The following LINGO2 variants were observed in gnomAD, a reference collection of about 807,000 sequenced individuals.
LINGO2 encodes the protein leucine rich repeat and Ig domain containing 2, also known as leucine-rich repeat and immunoglobulin-like domain-containing nogo receptor-interacting protein 2.
A neutral mutation model predicts 30.6 loss-of-function variants in LINGO2; 14 were observed. That is an observed-to-expected ratio of 0.46 (90% CI 0.30 to 0.72). The LOEUF is 0.72. LINGO2 is among the 30% of genes least tolerant of loss of function. The probability of loss-of-function intolerance (pLI) is 0.07; values close to 1 mark genes in which losing one functional copy is unlikely to be tolerated. For synonymous variants in LINGO2, 317 were observed against 288.5 expected (o/e 1.10, Z -1.00); for missense variants, 729 against 751.7 (o/e 0.97, Z 0.35).
At position 27,999,033 on chromosome 9, in the gene LINGO2, G is replaced by C. The variant is rs142342349; in HGVS notation, c.-36+13322C>G. On this transcript the variant is annotated intron_variant, in intron 5 of 5. Coordinates refer to ENST00000379992, the Ensembl canonical transcript of LINGO2. ...ATCTGGTTAAAATCTTGGCACAGTA[G>C]AGAATTTATGTGCACCTAGGAGTGA... Among the ~76,000 whole-genome samples the C allele has an allele frequency of 1.7e-3, 257 of 152,206 alleles. 2 individuals are homozygous for C. Among genetic ancestry groups the C allele is most frequent in the Middle Eastern group, 6.8e-3 (2 of 294 alleles).
the LINGO2 span, among the ~76,000 whole-genome samples, chr9:28,999,358 G>A: frequency 2.6e-5 from 4 of 152,064 alleles, no homozygotes; most frequent in African/African-American, 4.8e-5. Context: ...TGTGAAGAGA[G>A]TCAAAAGAGA....
At chr9:28,767,038 T>G in the LINGO2 span, among the ~76,000 whole-genome samples, 2 of 151,130 alleles carry the variant, frequency 1.3e-5, no homozygotes, top group African/African-American at 4.9e-5. Context: ...TTAAGAAAAG[T>G]TGAATACATA....
At chr9:28,616,405 T>C (rs1181228073) in intron 1 of LINGO2, among the ~76,000 whole-genome samples, 1 of 152,126 alleles carries the variant, frequency 6.6e-6, no homozygotes, top group Non-Finnish European at 1.5e-5. Flanking sequence ...CTGACCCACA[T>C]CAGCTGCTTT....
the LINGO2 span, among the ~76,000 whole-genome samples, chr9:29,033,378 C>CTATATATATATATATATATATATA: frequency 1.8e-3 from 257 of 140,620 alleles, no homozygotes; most frequent in East Asian, 6.8e-3. Flanking sequence ...AACTGCTTTA[C>CTATATATATATATATATATATATA]TATATATATA....
chr9:29,205,436 G>A, the LINGO2 span, among the ~76,000 whole-genome samples: 1 of 152,142 alleles, frequency 6.6e-6, no homozygotes, highest in South Asian at 2.1e-4. Flanking sequence ...ACTTGTTCAT[G>A]ATGTATTATC....
the LINGO2 span, among the ~76,000 whole-genome samples, chr9:28,686,439 A>G: frequency 3.9e-5 from 6 of 152,194 alleles, no homozygotes; most frequent in South Asian, 1.2e-3. Flanking sequence ...CTAGCTCAAA[A>G]TTAGCCAGAA....
chr9:28,797,564 G>A, the LINGO2 span, among the ~76,000 whole-genome samples: 1 of 151,822 alleles, frequency 6.6e-6, no homozygotes, highest in Non-Finnish European at 1.5e-5. Context: ...ATTTTGATCT[G>A]AGCATCTAAA....
chr9:28,051,064 C>T (rs1279809383), intron 4 of LINGO2, among the ~76,000 whole-genome samples: 1 of 150,808 alleles, frequency 6.6e-6, no homozygotes, highest in Non-Finnish European at 1.5e-5. Flanking sequence ...TTAGCTAACT[C>T]CTTTCTCCAA....
At chr9:28,846,761 A>G in the LINGO2 span, among the ~76,000 whole-genome samples, 1 of 147,868 alleles carries the variant, frequency 6.8e-6, no homozygotes, top group African/African-American at 2.6e-5. Flanking sequence ...CTATACTATC[A>G]ATGTGAAGTG....
the LINGO2 span, among the ~76,000 whole-genome samples, chr9:28,885,272 A>C: frequency 6.8e-6 from 1 of 147,706 alleles, no homozygotes; most frequent in Non-Finnish European, 1.5e-5. Flanking sequence ...GCAGTGTGGA[A>C]GTGGTGGCGA....
chr9:28,252,263 G>A (rs1050725817), intron 4 of LINGO2, among the ~76,000 whole-genome samples: 1 of 152,042 alleles, frequency 6.6e-6, no homozygotes, highest in African/African-American at 2.4e-5. Context: ...CTCTCACTCT[G>A]TTTCTAGGCT....
chr9:28,351,025 T>C lies in LINGO2; in HGVS notation c.-246+21811A>G, dbSNP rs1819854712. On this transcript the variant is annotated intron_variant, in intron 3 of 5. Transcript: ENST00000379992. Reference sequence around the variant, plus strand: ...GTGTGTAGAGGGAAAGTTATAGCACTAAATGCCCACAAGAGAAAGCAGGAA... The same window carrying C: ...GTGTGTAGAGGGAAAGTTATAGCACCAAATGCCCACAAGAGAAAGCAGGAA... Among the ~76,000 whole-genome samples the C allele has an allele frequency of 2.0e-5, 3 of 152,056 alleles. No homozygotes were observed. The South Asian group carries it at 6.2e-4, about 32-fold the overall frequency.
At chr9:29,204,262 A>G in the LINGO2 span, among the ~76,000 whole-genome samples, 1 of 152,232 alleles carries the variant, frequency 6.6e-6, no homozygotes, top group South Asian at 2.1e-4. Flanking sequence ...AATGCTCACT[A>G]GGAACCAGAC....
At chr9:27,943,689 T>A (rs1027349144), downstream of LINGO2, 2 of 151,930 alleles carry the variant, frequency 1.3e-5, no homozygotes, top group East Asian at 2.0e-4. Context: ...AGAAGACTTA[T>A]CCCTGGAGAG....
chr9:28,692,041 T>C, the LINGO2 span, among the ~76,000 whole-genome samples: 1 of 152,172 alleles, frequency 6.6e-6, no homozygotes, highest in Non-Finnish European at 1.5e-5. Flanking sequence ...ACTCTGTCAC[T>C]GGTTTGATTC....
At chr9:28,170,424 A>G (rs1405740175) in intron 4 of LINGO2, among the ~76,000 whole-genome samples, 1 of 152,188 alleles carries the variant, frequency 6.6e-6, no homozygotes, top group Admixed American at 6.5e-5. Flanking sequence ...CAGCTAGAAA[A>G]TGTAAAGTAA....
chr9:28,735,744 A>C, the LINGO2 span, among the ~76,000 whole-genome samples: 1 of 152,082 alleles, frequency 6.6e-6, no homozygotes, highest in South Asian at 2.1e-4. Flanking sequence ...TGCTTTCTCA[A>C]AACAGGTGAA....
At chr9:28,678,342 C>T in the LINGO2 span, among the ~76,000 whole-genome samples, 1,253 of 152,014 alleles carry the variant, frequency 8.2e-3, 24 homozygotes, top group African/African-American at 0.029. Context: ...CTTTCCATTC[C>T]TTGCTTAGTC....
chr9:29,025,449 T>C, the LINGO2 span, among the ~76,000 whole-genome samples: 2 of 152,154 alleles, frequency 1.3e-5, no homozygotes, highest in Non-Finnish European at 2.9e-5. Context: ...AAGTTACATC[T>C]ATTGTTTAAT....
Sources: allele counts gnomAD v4.1 joint callset (sites outside exome capture counted in the v4.1 genomes callset), GRCh38; gene constraint gnomAD v4.1.1; transcripts MANE v1.5; gene names NCBI Gene and HGNC (gene_info 2026-07-23, HGNC 2026-07-21).